ITGB4: variants seen among roughly 807,000 people sequenced by gnomAD.
ITGB4 encodes integrin beta-4.
In ITGB4, 159 loss-of-function variants were observed where a neutral mutation model predicts 207.6. The ratio of observed to expected loss-of-function variants is 0.77; its 90% CI spans 0.67 to 0.87. ITGB4 has a LOEUF of 0.87. Ranked by LOEUF, ITGB4 falls within the 40% of genes least tolerant of loss-of-function variation. The pLI is 0.00. For missense variants in ITGB4, 2,278 were observed against 2,546.8 expected (o/e 0.89, Z 2.27); for synonymous variants, 1,020 against 1,062.7 (o/e 0.96, Z 0.78).
At position 75,742,397 on chromosome 17, in the gene ITGB4, C is replaced by T. The variant is rs2061131780; in HGVS notation, c.2690C>T (p.Ala897Val). Reference sequence around the variant, plus strand: ...ATGGCGCCCCGCTCGGCCAAGCCGGCCCTGCTGAAGCTTACAGAGAAGCAG... The same window carrying T: ...ATGGCGCCCCGCTCGGCCAAGCCGGTCCTGCTGAAGCTTACAGAGAAGCAG... ...VLMAPRSAKP[A>V]LLKLTEKQVE... Residue 897 changes from alanine (A) to valine (V), a missense_variant, in exon 24 of 40, where the codon GCC becomes GTC. Physicochemically the swap from Ala to Val is moderately conservative, Grantham distance 64. Transcript: ENST00000200181. This position sits in a 1 kb window ranked among gnomAD's most constrained non-coding sequence, Gnocchi z 5.9. 1.2e-6 allele frequency: 2 copies of T among 1,613,422 alleles called. No homozygotes were observed. The highest frequency in any genetic ancestry group is 3.3e-5 in the Admixed American group (2 of 60,008).
rs755496196 is a variant in ITGB4, at chr17:75,739,757, G to A, written c.2254+52G>A. ...CAGGGGCTCTGACTGCTCTTTCTCTGAGCTGGGGTGGAGGGAAGCTGAACC... is the reference window on the plus strand; with the variant it reads ...CAGGGGCTCTGACTGCTCTTTCTCTAAGCTGGGGTGGAGGGAAGCTGAACC... On this transcript the variant is annotated intron_variant, in intron 19 of 39. Coordinates refer to ENST00000200181, the MANE Select transcript of ITGB4 (RefSeq NM_000213.5). The surrounding 1 kb of genome is among the most constrained non-coding windows in gnomAD (Gnocchi z 5.4). The A allele has an allele frequency of 1.2e-6, 2 of 1,613,130 alleles. No homozygotes were observed. The highest frequency in any genetic ancestry group is 2.2e-5 in the South Asian group (2 of 91,060).
At chr17:75,737,767 C>T in intron 18 of ITGB4, 123 bp downstream of exon 18, 1 of 825,568 alleles carries the variant, frequency 1.2e-6, no homozygotes, top group Non-Finnish European at 2.0e-6. Context: ...GTCCCCAACC[C>T]CTTCCTGGGT....
chr17:75,754,364 G>A (rs536159625), intron 33 of ITGB4: 1 of 621,880 alleles, frequency 1.6e-6, no homozygotes, highest in Non-Finnish European at 2.8e-6. Context: ...TAGAGTGGCC[G>A]GCCAGAGGAT....
chr17:75,727,701 C>T lies in ITGB4; in HGVS notation c.315C>T (p.Gly105=). The T allele has an allele frequency of 6.2e-7, 1 of 1,612,662 alleles. No individual in the cohort carries two copies. Among genetic ancestry groups the T allele is most frequent in the East Asian group, 2.2e-5 (1 of 44,872 alleles). Residue 105 remains glycine, a synonymous_variant, in exon 5 of 40, where the codon GGC becomes GGT. Transcript: ENST00000200181. This position sits in a 1 kb window ranked among gnomAD's most constrained non-coding sequence, Gnocchi z 6.0. ...TLRRSQMSPQ[G]LRVRLRPGEE... Reference sequence around the variant, plus strand: ...GGCGCAGCCAGATGTCCCCCCAAGGCCTGCGGGTCCGTCTGCGGCCCGGTG... The same window carrying T: ...GGCGCAGCCAGATGTCCCCCCAAGGTCTGCGGGTCCGTCTGCGGCCCGGTG...
Position 75,740,178 on chromosome 17 carries a change from A to G in ITGB4, c.2446+107A>G, listed in dbSNP as rs2061074377. 5.3e-6 allele frequency: 7 copies of G among 1,325,892 alleles called. No homozygotes were observed. The highest frequency in any genetic ancestry group is 2.6e-4 in the Middle Eastern group (1 of 3,862). The allele number at this position is 1,325,892 out of a possible 1,614,324, so 82.1% of individuals were successfully genotyped here. A position where few individuals can be genotyped will look rare whatever the true frequency, so the allele number is the denominator to read the frequency against. ...TTCTCTGGGTGTGGGGTGCAGGCACAGGGCTCAGCCACCTTTTGCCCTGTG... is the reference window on the plus strand; with the variant it reads ...TTCTCTGGGTGTGGGGTGCAGGCACGGGGCTCAGCCACCTTTTGCCCTGTG... On this transcript the variant is annotated intron_variant, in intron 20 of 39. Transcript: ENST00000200181. The surrounding 1 kb of genome is among the most constrained non-coding windows in gnomAD (Gnocchi z 5.9).
At chr17:75,752,106 G>A in intron 30 of ITGB4, 68 bp from the exon 31 acceptor site, 8 of 1,529,766 alleles carry the variant, frequency 5.2e-6, no homozygotes, top group Non-Finnish European at 7.2e-6. Context: ...CCGTCCTGCT[G>A]TGTCAGGGGT....
Position 75,727,633 on chromosome 17 carries a change from C to T in ITGB4, c.265-18C>T, listed in dbSNP as rs781705263. 5 of 1,594,622 alleles carry T rather than the reference C, an allele frequency of 3.1e-6. No individual in the cohort carries two copies. The Admixed American group carries it at 8.8e-5, about 28-fold the overall frequency. Reference sequence around the variant, plus strand: ...CGGAGTGACCCTCTAGCCAGCTGTCCCCTTCCACTGGCTGCAGGAGACCCA... The same window carrying T: ...CGGAGTGACCCTCTAGCCAGCTGTCTCCTTCCACTGGCTGCAGGAGACCCA... On this transcript the variant is annotated intron_variant, in intron 4 of 39. Transcript: ENST00000200181. The surrounding 1 kb of genome is among the most constrained non-coding windows in gnomAD (Gnocchi z 6.0).
intron 23 of ITGB4, 80 bp downstream of exon 23, chr17:75,741,085 C>G: frequency 6.7e-7 from 1 of 1,492,504 alleles, no homozygotes; most frequent in East Asian, 2.3e-5. Flanking sequence ...TCGTCCGTCC[C>G]TACTCCATCT....
In ITGB4 at chr17:75,736,415, G is replaced by A. The variant is rs371756625; in HGVS notation, c.1860+29G>A. On this transcript the variant is annotated intron_variant, in intron 15 of 39. Coordinates refer to ENST00000200181, the MANE Select transcript of ITGB4 (RefSeq NM_000213.5). The stretch of plus-strand genomic sequence containing the variant: ...AGGCTAAGACCTACGAGGTGTGGGC[G>A]TGGGAACAGGGCAGGCACAGGGCAG... 1.4e-5 allele frequency: 22 copies of A among 1,611,692 alleles called. 1 individual carries two copies. Among genetic ancestry groups the A allele is most frequent in the African/African-American group, 4.0e-5 (3 of 75,000 alleles).
At position 75,739,643 on chromosome 17, in the gene ITGB4, G is replaced by T; in HGVS notation, c.2221-29G>T. On this transcript the variant is annotated intron_variant, in intron 18 of 39. Transcript: ENST00000200181. This position sits in a 1 kb window ranked among gnomAD's most constrained non-coding sequence, Gnocchi z 5.4. ...ACCTGGGCCAGGGCAGCTGTCTCAG[G>T]CCTCACCCTCACCCACCTTGTCTCC... 1 of 1,614,010 alleles carries T rather than the reference G, an allele frequency of 6.2e-7. No individual in the cohort carries two copies. The highest frequency in any genetic ancestry group is 8.5e-7 in the Non-Finnish European group (1 of 1,179,992).
chr17:75,742,246 C>T lies in ITGB4; in HGVS notation c.2634-95C>T. 3.3e-6 allele frequency: 5 copies of T among 1,506,498 alleles called. No individual in the cohort carries two copies. Among genetic ancestry groups the T allele is most frequent in the Non-Finnish European group, 4.6e-6 (5 of 1,091,670 alleles). 93.3% of individuals were successfully genotyped at this position (1,506,498 alleles called of 1,614,324 possible). A position where few individuals can be genotyped will look rare whatever the true frequency, so the allele number is the denominator to read the frequency against. On this transcript the variant is annotated intron_variant, in intron 23 of 39. Coordinates refer to ENST00000200181, the MANE Select transcript of ITGB4 (RefSeq NM_000213.5). This position sits in a 1 kb window ranked among gnomAD's most constrained non-coding sequence, Gnocchi z 5.9. Reference sequence around the variant, plus strand: ...CCCTGCACTTCTTGCTGTCTTACATCCTGGCCCCTGAAGGGGAGAAGACAG... The same window carrying T: ...CCCTGCACTTCTTGCTGTCTTACATTCTGGCCCCTGAAGGGGAGAAGACAG...
At chr17:75,730,119 G>T in intron 7 of ITGB4, 122 bp from the exon 8 acceptor site, 1 of 1,303,348 alleles carries the variant, frequency 7.7e-7, no homozygotes, top group Non-Finnish European at 1.1e-6. Context: ...GGCACTTGCT[G>T]TGAATCCAGT....
intron 16 of ITGB4, among the ~76,000 whole-genome samples, chr17:75,736,931 C>T (rs1409008480): frequency 6.6e-6 from 1 of 151,710 alleles, no homozygotes; most frequent in Non-Finnish European, 1.5e-5. Context: ...ACAGTCTGGC[C>T]CAGGAAGGGA....
rs202029031 is a variant in ITGB4, at chr17:75,727,831, C to G, written c.445C>G (p.Leu149Val). 6.2e-7 allele frequency: 1 copy of G among 1,613,900 alleles called. No homozygotes were observed. The highest frequency in any genetic ancestry group is 1.3e-5 in the African/African-American group (1 of 75,022). Residue 149 changes from leucine (L) to valine (V), a missense_variant, in exon 5 of 40, where the codon CTC becomes GTC. Transcript: ENST00000200181. The surrounding 1 kb of genome is among the most constrained non-coding windows in gnomAD (Gnocchi z 6.0). The part of the protein sequence containing the change: ...SNSMSDDLDN[L>V]KKMGQNLARV... ...CTCCATGTCCGATGATCTGGACAACCTCAAGAAGATGGGGCAGAACCTGGG... is the reference window on the plus strand; with the variant it reads ...CTCCATGTCCGATGATCTGGACAACGTCAAGAAGATGGGGCAGAACCTGGG...
chr17:75,750,500 A>G lies in ITGB4; in HGVS notation c.3475-180A>G, dbSNP rs1475227997. On this transcript the variant is annotated intron_variant, in intron 28 of 39. Coordinates refer to ENST00000200181, the MANE Select transcript of ITGB4 (RefSeq NM_000213.5). This position sits in a 1 kb window ranked among gnomAD's most constrained non-coding sequence, Gnocchi z 5.5. The stretch of plus-strand genomic sequence containing the variant: ...GAATGGGGCCCCCTCCCACCCCCGC[A>G]TGGGAGATACCCCCACCTGCTCTGC... Among the ~76,000 whole-genome samples, 1 of 151,738 alleles carries G rather than the reference A, an allele frequency of 6.6e-6. No individual in the cohort carries two copies. Among genetic ancestry groups the G allele is most frequent in the African/African-American group, 2.4e-5 (1 of 41,340 alleles).
chr17:75,742,456 GC>G lies in ITGB4; in HGVS notation c.2754del (p.Gly919AlafsTer61), dbSNP rs768076872. 1.2e-6 allele frequency: 2 copies of G among 1,613,074 alleles called. No homozygotes were observed. The highest frequency in any genetic ancestry group is 1.7e-6 in the Non-Finnish European group (2 of 1,179,806). ...EQRAFHDLKV[A>X]PGYYTLTADQ... ...GAGGGCCTTCCACGACCTCAAGGTGGCCCCCGGCTACTACACCCTCACTGCA... is the reference window on the plus strand; with the variant it reads ...GAGGGCCTTCCACGACCTCAAGGTGGCCCCGGCTACTACACCCTCACTGCA... On this transcript the variant is annotated frameshift_variant, in exon 24 of 40. Transcript: ENST00000200181. LOFTEE classifies it high-confidence loss of function. This position sits in a 1 kb window ranked among gnomAD's most constrained non-coding sequence, Gnocchi z 5.9.
Position 75,742,807 on chromosome 17 carries a change from G to A in ITGB4, c.2962+46G>A, listed in dbSNP as rs754353517. On this transcript the variant is annotated intron_variant, in intron 25 of 39. Transcript: ENST00000200181. This position sits in a 1 kb window ranked among gnomAD's most constrained non-coding sequence, Gnocchi z 5.9. ...TGGGGAAGGCAGACGGGGGCTCGGG[G>A]GCACTGGTTCCTCCTGCTTAAGTGG... The A allele has an allele frequency of 3.8e-6, 6 of 1,559,094 alleles. No homozygotes were observed. Among genetic ancestry groups the A allele is most frequent in the Non-Finnish European group, 5.2e-6 (6 of 1,152,322 alleles).
rs1385313106 is a variant in ITGB4 at position 75,736,686 on chromosome 17, T to C, written c.1982T>C (p.Leu661Pro). The C allele has an allele frequency of 1.3e-6, 2 of 1,595,120 alleles. No individual in the cohort carries two copies. The highest frequency in any genetic ancestry group is 1.8e-5 in the Admixed American group (1 of 55,498). Residue 661 changes from leucine (L) to proline (P), a missense_variant, in exon 16 of 40, where the codon CTT becomes CCT. Transcript: ENST00000200181. ...TTCAAGGTCAAGATGGTGGACGAGC[T>C]TAAGAGAGGTAGGGGCAGGGGCTGA... ...CNFKVKMVDELKRAEEVVVRC... is the reference protein window; with the variant it reads ...CNFKVKMVDEPKRAEEVVVRC...
Position 75,727,768 on chromosome 17 carries a change from A to T in ITGB4, c.382A>T (p.Ser128Cys). Residue 128 changes from serine to cysteine, a missense_variant, in exon 5 of 40, where the codon AGC becomes TGC. Ser to Cys is a moderately radical substitution (Grantham distance 112, BLOSUM62 -1). Coordinates refer to ENST00000200181, the MANE Select transcript of ITGB4 (RefSeq NM_000213.5). The surrounding 1 kb of genome is among the most constrained non-coding windows in gnomAD (Gnocchi z 6.0). Reference protein sequence around the residue: ...FELEVFEPLESPVDLYILMDF... With the variant: ...FELEVFEPLECPVDLYILMDF... ...GCTGGAGGTGTTTGAGCCACTGGAG[A>T]GCCCCGTGGACCTGTACATCCTCAT... is the stretch of plus-strand genomic sequence containing the variant. 1 of 1,613,966 alleles carries T rather than the reference A, an allele frequency of 6.2e-7. No individual in the cohort carries two copies. Among genetic ancestry groups the T allele is most frequent in the East Asian group, 2.2e-5 (1 of 44,858 alleles).
Sources: allele counts gnomAD v4.1 joint callset (sites outside exome capture counted in the v4.1 genomes callset), GRCh38; gene constraint gnomAD v4.1.1; non-coding constraint Gnocchi (gnomAD v3.1); transcripts MANE v1.5; gene names NCBI Gene and HGNC (gene_info 2026-07-23, HGNC 2026-07-21).